The following HPSE2 variants were observed in gnomAD, a reference collection of about 807,000 sequenced individuals.
HPSE2 encodes the protein inactive heparanase-2.
Under a neutral mutation model 60.5 loss-of-function variants are expected in HPSE2, and 38 were observed. That is an observed-to-expected ratio of 0.63 (90% CI 0.48 to 0.82). The LOEUF is 0.82. HPSE2 is among the 40% of genes least tolerant of loss of function. HPSE2 has a pLI of 0.00. For synonymous variants in HPSE2, 295 were observed against 293.2 expected (o/e 1.01, Z -0.06); for missense variants, 713 against 740.4 (o/e 0.96, Z 0.43).
At chr10:99,088,100 C>G (rs1161979532) in intron 3 of HPSE2, among the ~76,000 whole-genome samples, 4 of 151,852 alleles carry the variant, frequency 2.6e-5, no homozygotes, top group Non-Finnish European at 5.9e-5. Flanking sequence ...CCATGATACT[C>G]CCATCAGCTT....
intron 9 of HPSE2, among the ~76,000 whole-genome samples, chr10:98,543,410 A>G (rs902520361): frequency 2.9e-4 from 44 of 152,190 alleles, no homozygotes; most frequent in Non-Finnish European, 6.0e-4. Flanking sequence ...CTAGGAAGCA[A>G]TTGCATCAAC....
At chr10:98,496,050 GGTGT>G (rs146851708) in intron 9 of HPSE2, among the ~76,000 whole-genome samples, 1 of 150,852 alleles carries the variant, frequency 6.6e-6, no homozygotes, top group African/African-American at 2.4e-5. Flanking sequence ...AGTTGTTTTT[GGTGT>G]GTGTGTGTGT....
chr10:98,497,987 G>T (rs1302067980), intron 9 of HPSE2, among the ~76,000 whole-genome samples: 4 of 152,110 alleles, frequency 2.6e-5, no homozygotes, highest in Admixed American at 2.0e-4. Context: ...GCATTAATTT[G>T]CCAGTATTAG....
chr10:98,809,851 G>C (rs1951127179), intron 3 of HPSE2, among the ~76,000 whole-genome samples: 1 of 152,094 alleles, frequency 6.6e-6, no homozygotes. Context: ...CTTTAATTAA[G>C]TGCTTTTTCT....
intron 3 of HPSE2, among the ~76,000 whole-genome samples, chr10:98,829,579 G>A (rs938815888): frequency 7.2e-5 from 11 of 151,918 alleles, no homozygotes; most frequent in South Asian, 2.1e-4. Flanking sequence ...TAATGGTTGC[G>A]CAACAATGTG....
Position 98,629,368 on chromosome 10 carries a change from CT to C in HPSE2, c.1099-8661del, listed in dbSNP as rs1946300190. On this transcript the variant is annotated intron_variant, in intron 7 of 11. Coordinates refer to ENST00000370552, the MANE Select transcript of HPSE2 (RefSeq NM_021828.5). ...CAAAGAGCTGAATAGCTACAGGAAGCTTCTTAAACCTTACCTACACACAGAG... is the reference window on the plus strand; with the variant it reads ...CAAAGAGCTGAATAGCTACAGGAAGCTCTTAAACCTTACCTACACACAGAG... 2.6e-5 allele frequency among the ~76,000 whole-genome samples: 4 copies of C among 152,316 alleles called. No homozygotes were observed. In the South Asian group the frequency reaches 8.3e-4, roughly 32 times the overall value.
At chr10:98,763,004 A>C (rs199547189) in intron 3 of HPSE2, among the ~76,000 whole-genome samples, 2 of 152,144 alleles carry the variant, frequency 1.3e-5, no homozygotes, top group East Asian at 3.9e-4. Context: ...ACTAGAAACC[A>C]TAAAATAGAA....
chr10:99,310,988 A>G, the HPSE2 span, among the ~76,000 whole-genome samples: 4 of 152,188 alleles, frequency 2.6e-5, no homozygotes, highest in East Asian at 3.9e-4. Context: ...CTCCTATAAC[A>G]TAATTTTTCA....
chr10:99,139,966 T>C (rs1398418491), intron 3 of HPSE2, among the ~76,000 whole-genome samples: 1 of 152,202 alleles, frequency 6.6e-6, no homozygotes, highest in Non-Finnish European at 1.5e-5. Flanking sequence ...AAAATAATGG[T>C]GATATAATCC....
intron 3 of HPSE2, among the ~76,000 whole-genome samples, chr10:99,030,019 T>C (rs1349902485): frequency 6.6e-6 from 1 of 152,216 alleles, no homozygotes; most frequent in East Asian, 1.9e-4. Context: ...GGTGGCCCTG[T>C]CTGGGCATAA....
At chr10:98,859,685 G>A (rs924176729) in intron 3 of HPSE2, among the ~76,000 whole-genome samples, 1 of 152,048 alleles carries the variant, frequency 6.6e-6, no homozygotes, top group African/African-American at 2.4e-5. Context: ...GTTAATCATA[G>A]CCACCTCTGG....
At chr10:99,108,290 AC>A (rs1319472028) in intron 3 of HPSE2, among the ~76,000 whole-genome samples, 2 of 152,180 alleles carry the variant, frequency 1.3e-5, no homozygotes, top group South Asian at 2.1e-4. Context: ...GAAGAAAAGT[AC>A]TAAGCAAGTA....
intron 9 of HPSE2, among the ~76,000 whole-genome samples, chr10:98,606,260 A>G (rs1325736171): frequency 6.6e-6 from 1 of 152,242 alleles, no homozygotes; most frequent in Non-Finnish European, 1.5e-5. Flanking sequence ...AGTTGAGTAC[A>G]GAGGAGTAGA....
At chr10:98,673,216 G>A (rs975166195) in intron 6 of HPSE2, among the ~76,000 whole-genome samples, 1 of 152,156 alleles carries the variant, frequency 6.6e-6, no homozygotes, top group East Asian at 1.9e-4. Flanking sequence ...TCTACATTGA[G>A]ATAATACAGC....
At chr10:98,532,311 C>T (rs548622) in intron 9 of HPSE2, among the ~76,000 whole-genome samples, 129,612 of 152,196 alleles carry the variant, frequency 0.85, 56,418 homozygotes, top group East Asian at 1. Flanking sequence ...CACAAAGGGC[C>T]AGCACAGAAA....
At chr10:99,167,029 G>GTTTA (rs71485782) in intron 2 of HPSE2, among the ~76,000 whole-genome samples, 1 of 149,932 alleles carries the variant, frequency 6.7e-6, no homozygotes, top group African/African-American at 2.5e-5. Context: ...TTGTTTGTTT[G>GTTTA]AGACAGAGTC....
chr10:98,984,826 G>A (rs577536003), intron 3 of HPSE2, among the ~76,000 whole-genome samples: 7 of 152,294 alleles, frequency 4.6e-5, no homozygotes, highest in South Asian at 4.2e-4. Context: ...ACCACGGCAC[G>A]AGAACTACGT....
At chr10:99,218,846 G>T (rs1681558065) in intron 2 of HPSE2, among the ~76,000 whole-genome samples, 1 of 152,130 alleles carries the variant, frequency 6.6e-6, no homozygotes, top group African/African-American at 2.4e-5. Context: ...CATCTCACAG[G>T]ATTTATCCTA....
intron 2 of HPSE2, among the ~76,000 whole-genome samples, chr10:99,153,335 C>T (rs1200637994): frequency 2.0e-5 from 3 of 152,194 alleles, no homozygotes; most frequent in Middle Eastern, 3.2e-3. Flanking sequence ...GTAAACTCTG[C>T]AGACTTAAAT....
Sources: allele counts gnomAD v4.1 joint callset (sites outside exome capture counted in the v4.1 genomes callset), GRCh38; gene constraint gnomAD v4.1.1; transcripts MANE v1.5; gene names NCBI Gene and HGNC (gene_info 2026-07-23, HGNC 2026-07-21).